The following GPC6 variants were observed in gnomAD, a reference collection of about 807,000 sequenced individuals.
The protein encoded by GPC6 is glypican 6.
GPC6 carries 14 observed loss-of-function variants against 55.2 expected under a neutral mutation model. The ratio of observed to expected loss-of-function variants is 0.25; its 90% CI spans 0.17 to 0.40. GPC6 has a LOEUF of 0.40. Among genes scored for constraint, GPC6 ranks in the 10% least tolerant of loss-of-function variants. The pLI is 1.00. For synonymous variants in GPC6, 278 were observed against 259.6 expected (o/e 1.07, Z -0.68); for missense variants, 641 against 708.5 (o/e 0.90, Z 1.08).
intron 3 of GPC6, among the ~76,000 whole-genome samples, chr13:93,872,532 T>G (rs1213455857): frequency 6.6e-6 from 1 of 151,980 alleles, no homozygotes; most frequent in African/African-American, 2.4e-5. Flanking sequence ...GCGATTCTTC[T>G]TGGAGGCTCT....
rs537410223 is a variant in GPC6 at position 93,465,302 on chromosome 13, T to C, written c.161-79961T>C. The stretch of plus-strand genomic sequence containing the variant: ...ATTCAGTTACTTATTTTCTCCTTTT[T>C]AGCTATAAAAGTCCTACATGGCATC... On this transcript the variant is annotated intron_variant, in intron 1 of 8. Coordinates refer to ENST00000377047, the MANE Select transcript of GPC6 (RefSeq NM_005708.5). Among the ~76,000 whole-genome samples the C allele has an allele frequency of 3.9e-5, 6 of 152,330 alleles. No homozygotes were observed. In the East Asian group the frequency reaches 1.2e-3, roughly 29 times the overall value.
chr13:93,336,407 A>T (rs139210529), intron 1 of GPC6, among the ~76,000 whole-genome samples: 82 of 152,342 alleles, frequency 5.4e-4, no homozygotes, highest in African/African-American at 1.4e-3. Flanking sequence ...GATGTCTTCC[A>T]GTAGTTCAGA....
chr13:93,845,108 G>T (rs1285836044), intron 3 of GPC6, among the ~76,000 whole-genome samples: 1 of 151,968 alleles, frequency 6.6e-6, no homozygotes, highest in Admixed American at 6.6e-5. Flanking sequence ...TTTTGGCTTA[G>T]GATTGACTTG....
intron 2 of GPC6, among the ~76,000 whole-genome samples, chr13:93,808,553 C>A (rs905583924): frequency 6.6e-6 from 1 of 152,100 alleles, no homozygotes; most frequent in African/African-American, 2.4e-5. Flanking sequence ...ATATTTCATT[C>A]AATTTTTAAA....
At chr13:94,243,863 G>A (rs563957094) in intron 4 of GPC6, among the ~76,000 whole-genome samples, 1 of 152,210 alleles carries the variant, frequency 6.6e-6, no homozygotes, top group East Asian at 1.9e-4. Context: ...CTGCATTTTA[G>A]ATGTAAATGC....
intron 3 of GPC6, among the ~76,000 whole-genome samples, chr13:93,926,650 A>G (rs183566245): frequency 3.9e-5 from 6 of 152,320 alleles, no homozygotes; most frequent in Admixed American, 3.3e-4. Flanking sequence ...TTGGCAAGAG[A>G]TCAGCTTTCC....
chr13:93,612,456 G>A (rs1594310970), intron 2 of GPC6, among the ~76,000 whole-genome samples: 1 of 151,224 alleles, frequency 6.6e-6, no homozygotes, highest in African/African-American at 2.4e-5. Flanking sequence ...CCAAGATTGC[G>A]CCACTGCACT....
chr13:94,189,554 TA>T (rs1484111249), intron 4 of GPC6, among the ~76,000 whole-genome samples: 2 of 152,230 alleles, frequency 1.3e-5, no homozygotes, highest in Non-Finnish European at 2.9e-5. Flanking sequence ...CAACAGGTGA[TA>T]GATTCTGAAC....
chr13:93,896,600 C>G (rs140650580), intron 3 of GPC6, among the ~76,000 whole-genome samples: 92 of 152,136 alleles, frequency 6.0e-4, no homozygotes, highest in East Asian at 1.2e-3. Flanking sequence ...ATTTCAGAAG[C>G]AGGATAACGA....
chr13:93,559,819 A>C (rs1875669684), intron 2 of GPC6, among the ~76,000 whole-genome samples: 1 of 152,328 alleles, frequency 6.6e-6, no homozygotes, highest in South Asian at 2.1e-4. Context: ...CCTTGGCATG[A>C]TGCCACGGGT....
chr13:93,739,333 G>A (rs960769277), intron 2 of GPC6, among the ~76,000 whole-genome samples: 1 of 151,994 alleles, frequency 6.6e-6, no homozygotes, highest in African/African-American at 2.4e-5. Context: ...ATAAAAGGGA[G>A]TCATTTTTCC....
chr13:93,814,012 G>T (rs1886775036), intron 2 of GPC6, among the ~76,000 whole-genome samples: 1 of 151,912 alleles, frequency 6.6e-6, no homozygotes, highest in East Asian at 1.9e-4. Flanking sequence ...ACACATTCTA[G>T]GTGTCTTCTT....
chr13:94,356,163 G>A (rs1353762521), intron 6 of GPC6, among the ~76,000 whole-genome samples: 2 of 152,196 alleles, frequency 1.3e-5, no homozygotes, highest in Non-Finnish European at 2.9e-5. Context: ...TGCTGTACAT[G>A]TACCATATTT....
intron 4 of GPC6, among the ~76,000 whole-genome samples, chr13:94,075,103 A>T (rs1035907114): frequency 2.0e-5 from 3 of 152,174 alleles, no homozygotes; most frequent in African/African-American, 7.2e-5. Context: ...TTATCATGTG[A>T]TAGTAGCTAT....
At chr13:93,651,378 A>C (rs749889989) in intron 2 of GPC6, among the ~76,000 whole-genome samples, 1 of 152,156 alleles carries the variant, frequency 6.6e-6, no homozygotes, top group African/African-American at 2.4e-5. Flanking sequence ...TGAAAAGAAA[A>C]GAAGCTGTTT....
At chr13:94,103,771 T>C (rs1320097108) in intron 4 of GPC6, among the ~76,000 whole-genome samples, 2 of 152,222 alleles carry the variant, frequency 1.3e-5, no homozygotes, top group Admixed American at 6.5e-5. Context: ...TCTTTGTAGA[T>C]TCTGGATATT....
At chr13:94,291,934 A>G (rs1220847145) in intron 5 of GPC6, among the ~76,000 whole-genome samples, 2 of 152,210 alleles carry the variant, frequency 1.3e-5, no homozygotes, top group South Asian at 2.1e-4. Flanking sequence ...ATGATTGGCA[A>G]CTTCTCCTTT....
At chr13:94,298,107 C>T (rs533525331) in intron 5 of GPC6, among the ~76,000 whole-genome samples, 7 of 151,776 alleles carry the variant, frequency 4.6e-5, no homozygotes, top group African/African-American at 7.3e-5. Flanking sequence ...AAGAAAAAGT[C>T]GTCATCAAGA....
intron 3 of GPC6, among the ~76,000 whole-genome samples, chr13:93,904,484 A>C (rs1372976482): frequency 2.0e-5 from 3 of 152,138 alleles, no homozygotes; most frequent in Non-Finnish European, 4.4e-5. Context: ...GAAGTGGAAA[A>C]ACTTAACTTT....
Sources: allele counts gnomAD v4.1 joint callset (sites outside exome capture counted in the v4.1 genomes callset), GRCh38; gene constraint gnomAD v4.1.1; transcripts MANE v1.5; gene names NCBI Gene and HGNC (gene_info 2026-07-23, HGNC 2026-07-21).